Variants in FZR1 observed in about 807,000 individuals in gnomAD.
FZR1 encodes the protein fizzy and cell division cycle 20 related 1, also known as fizzy-related protein homolog.
A neutral mutation model predicts 63.6 loss-of-function variants in FZR1; 11 were observed. The ratio of observed to expected loss-of-function variants is 0.17; its 90% confidence interval spans 0.11 to 0.29. The LOEUF is 0.29. FZR1 is among the 10% of genes least tolerant of loss of function. The pLI is 1.00. For missense variants in FZR1, 440 were observed against 687.5 expected (o/e 0.64, Z 4.03); for synonymous variants, 328 against 297.9 (o/e 1.10, Z -1.04).
Position 3,533,107 on chromosome 19 carries a change from C to T in FZR1, c.1243-187C>T, listed in dbSNP as rs1356995119. ...CTTTGGCGGTGGGTGGAGGGGTCCA[C>T]CTGTGGCCTCCACACCTCCTAGACA... On this transcript the variant is annotated intron_variant, in intron 11 of 13. Coordinates refer to ENST00000441788, the MANE Select transcript of FZR1 (RefSeq NM_016263.4). The surrounding 1 kb of genome is among the most constrained non-coding windows in gnomAD (Gnocchi z 4.9). 2.0e-5 allele frequency among the ~76,000 whole-genome samples: 3 copies of T among 152,060 alleles called. No individual in the cohort carries two copies. Among genetic ancestry groups the T allele is most frequent in the Non-Finnish European group, 2.9e-5 (2 of 67,984 alleles).
At position 3,523,948 on chromosome 19, in the gene FZR1, G is replaced by T. The variant is rs150728373; in HGVS notation, c.69+890G>T. ...CACAGCCGCCTTCTCCCCCTGTGCG[G>T]TGCGGCCCCCACAGGGCAGAGCCAG... On this transcript the variant is annotated intron_variant, in intron 2 of 13. Transcript: ENST00000441788. 3.8e-3 allele frequency among the ~76,000 whole-genome samples: 572 copies of T among 152,358 alleles called. 3 individuals are homozygous for T. The highest frequency in any genetic ancestry group is 0.013 in the African/African-American group (547 of 41,592).
chr19:3,510,718 A>G (rs2083018325), intron 1 of FZR1, among the ~76,000 whole-genome samples: 1 of 151,984 alleles, frequency 6.6e-6, no homozygotes. Context: ...CCACTTAAGG[A>G]TCCCCCTCAG....
At position 3,526,585 on chromosome 19, in the gene FZR1, G is replaced by A; in HGVS notation, c.387+199G>A. On this transcript the variant is annotated intron_variant, in intron 5 of 13. Coordinates refer to ENST00000441788, the MANE Select transcript of FZR1 (RefSeq NM_016263.4). This position sits in a 1 kb window ranked among gnomAD's most constrained non-coding sequence, Gnocchi z 5.4. ...GCTGGAGGTCTAGCAGGTAAACTGG[G>A]ATGTGGGGGTGCGGGAGGAATCCAG... Among the ~76,000 whole-genome samples, 5 of 152,362 alleles carry A rather than the reference G, an allele frequency of 3.3e-5. 1 individual carries two copies. In the South Asian group the frequency reaches 1.0e-3, roughly 32 times the overall value.
chr19:3,512,873 G>A (rs997175365), intron 1 of FZR1, among the ~76,000 whole-genome samples: 3 of 152,186 alleles, frequency 2.0e-5, no homozygotes, highest in South Asian at 2.1e-4. Flanking sequence ...ACTCCTGGGC[G>A]CAGGGCAGGA....
chr19:3,519,187 C>T (rs893820917), intron 1 of FZR1, among the ~76,000 whole-genome samples: 12 of 152,224 alleles, frequency 7.9e-5, no homozygotes, highest in Admixed American at 4.6e-4. Flanking sequence ...CTGGGGAAGC[C>T]CCGTCCACAC....
At chr19:3,522,885 TGCAGGCGAGCCCCGTGGTCTCCGG>T (rs2083115862) in intron 1 of FZR1, 47 bp from the exon 2 acceptor site, 1 of 794,972 alleles carries the variant, frequency 1.3e-6, no homozygotes, top group Non-Finnish European at 2.3e-6. Flanking sequence ...GGCCTGGAGG[TGCAGGCGAGCCCCGTGGTCTCCGG>T]GCAGCCGGCC....
rs988415505 is a variant in FZR1 at position 3,535,994 on chromosome 19, C to G, written c.*1158C>G. 1 of 152,364 alleles carries G rather than the reference C, an allele frequency of 6.6e-6. No homozygotes were observed. The highest frequency in any genetic ancestry group is 2.4e-5 in the African/African-American group (1 of 41,424). The allele number at this position is 152,364 out of a possible 1,614,324, so 9.4% of individuals were successfully genotyped here. A position where few individuals can be genotyped will look rare whatever the true frequency, so the allele number is the denominator to read the frequency against. On this transcript the variant is annotated 3_prime_UTR_variant, in exon 14 of 14. Transcript: ENST00000441788. ...TGGGGCCTGAGCTGAGCACTGCCCC[C>G]TCACCCCCCCACCACCCCTTCCCAT...
At chr19:3,519,770 C>T (rs985511803) in intron 1 of FZR1, among the ~76,000 whole-genome samples, 4 of 152,204 alleles carry the variant, frequency 2.6e-5, no homozygotes, top group Middle Eastern at 3.2e-3. Context: ...GTGGGGTTTT[C>T]ATGCCACAGT....
At chr19:3,527,909 A>AGC in intron 7 of FZR1, 95 bp downstream of exon 7, 2 of 983,996 alleles carry the variant, frequency 2.0e-6, no homozygotes, top group Non-Finnish European at 2.9e-6. Flanking sequence ...CATCAGTACG[A>AGC]GCCAGGCGCC....
At chr19:3,534,386 C>T (rs1393371888) in intron 12 of FZR1, 35 bp from the exon 13 acceptor site, 3 of 1,225,908 alleles carry the variant, frequency 2.4e-6, no homozygotes. Context: ...CACCTAGAGG[C>T]CCAGAGACAT....
Position 3,536,464 on chromosome 19 carries a change from TA to T in FZR1, c.*1631del, listed in dbSNP as rs1426854361. ...CACGGTCTTACTGTTTCAAGGTTTT[TA>T]AATAAGAAAACCAACCCTGCCTTCG... is the stretch of plus-strand genomic sequence containing the variant. On this transcript the variant is annotated 3_prime_UTR_variant, in exon 14 of 14. Coordinates refer to ENST00000441788, the MANE Select transcript of FZR1 (RefSeq NM_016263.4). 1 of 152,164 alleles carries T rather than the reference TA, an allele frequency of 6.6e-6. No homozygotes were observed. The highest frequency in any genetic ancestry group is 2.4e-5 in the African/African-American group (1 of 41,438). 9.4% of individuals were successfully genotyped at this position (152,164 alleles called of 1,614,324 possible). A position where few individuals can be genotyped will look rare whatever the true frequency, so the allele number is the denominator to read the frequency against.
intron 1 of FZR1, among the ~76,000 whole-genome samples, chr19:3,518,011 CTTTTTT>C (rs1220242480): frequency 2.6e-4 from 28 of 109,518 alleles, no homozygotes; most frequent in Non-Finnish European, 4.5e-4. Flanking sequence ...CTGTTTCTTT[CTTTTTT>C]TTTTTTTTTT....
Position 3,516,973 on chromosome 19 carries a change from A to G in FZR1, c.-34-5983A>G, listed in dbSNP as rs1306854384. 6.6e-6 allele frequency among the ~76,000 whole-genome samples: 1 copy of G among 152,238 alleles called. No homozygotes were observed. Among genetic ancestry groups the G allele is most frequent in the Non-Finnish European group, 1.5e-5 (1 of 68,040 alleles). ...TCAGTGCTGACTTCAGGGCAGCATC[A>G]GTGTTCTGGGGAAGTGGGGGATGAT... On this transcript the variant is annotated intron_variant, in intron 1 of 13. Coordinates refer to ENST00000441788, the MANE Select transcript of FZR1 (RefSeq NM_016263.4). This position sits in a 1 kb window ranked among gnomAD's most constrained non-coding sequence, Gnocchi z 6.0.
Position 3,527,023 on chromosome 19 carries a change from A to C in FZR1, c.431A>C (p.Asp144Ala). Residue 144 changes from aspartate to alanine, a missense_variant, in exon 6 of 14, where the codon GAT (aspartate) becomes GCT (alanine). By Grantham distance (126) the Asp-to-Ala change is moderately radical. This residue lies in a region of FZR1 where 200 missense variants were observed against 245.1 expected (regional missense o/e 0.82). Transcript: ENST00000441788. The part of the protein sequence containing the change: ...TKRSSPDDGN[D>A]VSPYSLSPVS... The stretch of plus-strand genomic sequence containing the variant: ...CGCTCCAGCCCCGATGACGGCAACG[A>C]TGTGTCTCCCTACTCCCTGTCTCCC... The C allele has an allele frequency of 6.2e-7, 1 of 1,612,706 alleles. No individual in the cohort carries two copies. The highest frequency in any genetic ancestry group is 1.1e-5 in the South Asian group (1 of 91,086).
intron 1 of FZR1, among the ~76,000 whole-genome samples, chr19:3,510,552 A>G (rs143009357): frequency 2.8e-4 from 42 of 152,240 alleles, no homozygotes; most frequent in Non-Finnish European, 7.4e-5. Flanking sequence ...GAACCTCTAT[A>G]TTCTCATCCC....
chr19:3,531,619 T>C (rs1599792356), intron 8 of FZR1, 95 bp from the exon 9 acceptor site: 1 of 796,072 alleles, frequency 1.3e-6, no homozygotes, highest in South Asian at 1.7e-5. Flanking sequence ...CCCAGAGCCC[T>C]GGTGAGGAGA....
In FZR1 at chr19:3,534,410, C is replaced by T. The variant is rs1249434691; in HGVS notation, c.1348-11C>T. 1 of 1,526,222 alleles carries T rather than the reference C, an allele frequency of 6.6e-7. No homozygotes were observed. Among genetic ancestry groups the T allele is most frequent in the Non-Finnish European group, 9.0e-7 (1 of 1,106,834 alleles). 94.5% of individuals were successfully genotyped at this position (1,526,222 alleles called of 1,614,324 possible). ...GCCCAGAGACATGGGGTGCTTCCCTCCTGTCCACAGGCAATGTCCCCTGAT... is the reference window on the plus strand; with the variant it reads ...GCCCAGAGACATGGGGTGCTTCCCTTCTGTCCACAGGCAATGTCCCCTGAT... On this transcript the variant is annotated splice_polypyrimidine_tract_variant and intron_variant, in intron 12 of 13. Coordinates refer to ENST00000441788, the MANE Select transcript of FZR1 (RefSeq NM_016263.4).
Position 3,526,587 on chromosome 19 carries a change from T to C in FZR1, c.387+201T>C, listed in dbSNP as rs1212601035. ...TGGAGGTCTAGCAGGTAAACTGGGA[T>C]GTGGGGGTGCGGGAGGAATCCAGGC... is the stretch of plus-strand genomic sequence containing the variant. On this transcript the variant is annotated intron_variant, in intron 5 of 13. Coordinates refer to ENST00000441788, the MANE Select transcript of FZR1 (RefSeq NM_016263.4). The surrounding 1 kb of genome is among the most constrained non-coding windows in gnomAD (Gnocchi z 5.4). Among the ~76,000 whole-genome samples, 1 of 152,152 alleles carries C rather than the reference T, an allele frequency of 6.6e-6. No homozygotes were observed. Among genetic ancestry groups the C allele is most frequent in the Non-Finnish European group, 1.5e-5 (1 of 68,000 alleles).
Position 3,531,695 on chromosome 19 carries a change from C to T in FZR1, c.721-19C>T. The T allele has an allele frequency of 6.6e-7, 1 of 1,521,730 alleles. No individual in the cohort carries two copies. Among genetic ancestry groups the T allele is most frequent in the South Asian group, 1.2e-5 (1 of 83,406 alleles). The allele number at this position is 1,521,730 out of a possible 1,614,324, so 94.3% of individuals were successfully genotyped here. ...GGCCAGACCTGACACCGGTGCTCTG[C>T]CCATGCCTTCCATCCTAGGGGAACC... is the stretch of plus-strand genomic sequence containing the variant. On this transcript the variant is annotated intron_variant, in intron 8 of 13. Coordinates refer to ENST00000441788, the MANE Select transcript of FZR1 (RefSeq NM_016263.4).
Sources: allele counts gnomAD v4.1 joint callset (sites outside exome capture counted in the v4.1 genomes callset), GRCh38; gene constraint gnomAD v4.1.1; regional missense constraint gnomAD v4.1.1; non-coding constraint Gnocchi (gnomAD v3.1); transcripts MANE v1.5; gene names NCBI Gene and HGNC (gene_info 2026-07-23, HGNC 2026-07-21).